Variants in CSDE1 observed in about 807,000 individuals in gnomAD.
The protein encoded by CSDE1 is cold shock domain-containing protein E1.
CSDE1 carries 17 observed loss-of-function variants against 89.3 expected under a neutral mutation model. The observed-to-expected ratio is 0.19, with a 90% CI of 0.13 to 0.29. The LOEUF (loss-of-function observed/expected upper bound fraction) is 0.29. Ranked by LOEUF, CSDE1 falls within the 10% of genes least tolerant of loss-of-function variation. The probability of loss-of-function intolerance (pLI) is 1.00; values close to 1 mark genes in which losing one functional copy is unlikely to be tolerated. For missense variants in CSDE1, 672 were observed against 984.2 expected (o/e 0.68, Z 4.24); for synonymous variants, 322 against 332.8 (o/e 0.97, Z 0.35).
intron 16 of CSDE1, among the ~76,000 whole-genome samples, chr1:114,722,667 G>A (rs1246035408): frequency 6.6e-6 from 1 of 152,220 alleles, no homozygotes; most frequent in African/African-American, 2.4e-5. Flanking sequence ...AGAATGAGTG[G>A]ACTGGGAAGT....
intron 9 of CSDE1, among the ~76,000 whole-genome samples, chr1:114,733,019 T>G (rs182502854): frequency 1.3e-5 from 2 of 152,242 alleles, no homozygotes; most frequent in East Asian, 3.9e-4. Flanking sequence ...ACAATGCAAT[T>G]AAGACCCAGC....
intron 2 of CSDE1, chr1:114,746,685 C>CT (rs1661028541): frequency 6.6e-6 from 1 of 152,196 alleles, no homozygotes; most frequent in Non-Finnish European, 1.5e-5. Context: ...AGGATAGCAT[C>CT]TGGCAGCATA....
At chr1:114,721,623 C>T (rs997710214) in intron 16 of CSDE1, among the ~76,000 whole-genome samples, 5 of 152,172 alleles carry the variant, frequency 3.3e-5, no homozygotes, top group African/African-American at 9.7e-5. Context: ...CAGGGTCTCG[C>T]TCTGCTACCC....
At chr1:114,742,227 G>A (rs572958865) in intron 2 of CSDE1, among the ~76,000 whole-genome samples, 2 of 152,220 alleles carry the variant, frequency 1.3e-5, no homozygotes, top group African/African-American at 2.4e-5. Flanking sequence ...TGCTCTTACC[G>A]TATTACCGTA....
rs1021629483 is a variant in CSDE1 at position 114,733,633 on chromosome 1, CATTAT to C, written c.837+94_837+98del. 9.3e-6 allele frequency: 10 copies of C among 1,069,740 alleles called. No homozygotes were observed. The African/African-American group carries it at 1.1e-4, about 12-fold the overall frequency. 66.3% of individuals were successfully genotyped at this position (1,069,740 alleles called of 1,614,324 possible). On this transcript the variant is annotated intron_variant, in intron 9 of 19. Transcript: ENST00000358528. Reference sequence around the variant, plus strand: ...GAGGTCCTTAGTTGTTCCACTACCACATTATATTAACTGAATAAGATAAAATCTCA... The same window carrying C: ...GAGGTCCTTAGTTGTTCCACTACCACATTAACTGAATAAGATAAAATCTCA...
At chr1:114,743,036 G>A (rs370614665) in intron 2 of CSDE1, among the ~76,000 whole-genome samples, 1 of 151,992 alleles carries the variant, frequency 6.6e-6, no homozygotes, top group Admixed American at 6.6e-5. Context: ...TACACATATC[G>A]AAAATACATG....
At chr1:114,733,700 G>C (rs369837293) in intron 9 of CSDE1, 32 bp downstream of exon 9, 1 of 1,599,860 alleles carries the variant, frequency 6.3e-7, no homozygotes, top group Non-Finnish European at 8.5e-7. Flanking sequence ...CTACTGAGGC[G>C]AAATAGGACT....
chr1:114,720,712 T>C lies in CSDE1; in HGVS notation c.1879A>G (p.Met627Val), dbSNP rs750987742. Residue 627 changes from methionine (M) to valine (V), a missense_variant, in exon 17 of 20, where the codon ATG becomes GTG. Physicochemically the swap from Met to Val is conservative, Grantham distance 21. This residue lies in a region of CSDE1 where 206 missense variants were observed against 332.4 expected (regional missense o/e 0.62). Coordinates refer to ENST00000358528, the MANE Select transcript of CSDE1 (RefSeq NM_001007553.3). ...GMIEIVEEGD[M>V]KGEVYPFGIV... ...CCAAATGGATAGACCTCACCTTTCA[T>C]ATCGCCTGTAAAACAGGTACAAAGT... 3 of 1,614,112 alleles carry C rather than the reference T, an allele frequency of 1.9e-6. No individual in the cohort carries two copies. The highest frequency in any genetic ancestry group is 2.2e-5 in the East Asian group (1 of 44,884).
Position 114,730,323 on chromosome 1 carries a change from T to C in CSDE1, c.1291A>G (p.Thr431Ala), listed in dbSNP as rs1235124042. Residue 431 changes from threonine (T) to alanine (A), a missense_variant, in exon 12 of 20, where the codon ACG becomes GCG. Transcript: ENST00000358528. ...HSHSDHRFLG[T>A]VEKEATFSNP... ...GAAAAAGTGGCTTCTTTTTCTACCG[T>C]GCCCAGAAAACGGTGATCTGAATGG... The C allele has an allele frequency of 6.2e-7, 1 of 1,614,232 alleles. No homozygotes were observed. Among genetic ancestry groups the C allele is most frequent in the Admixed American group, 1.7e-5 (1 of 60,022 alleles).
intron 12 of CSDE1, among the ~76,000 whole-genome samples, chr1:114,727,330 G>A (rs190459274): frequency 5.5e-4 from 84 of 152,138 alleles, no homozygotes; most frequent in African/African-American, 2.0e-3. Context: ...TTTTGCTATT[G>A]AGGAGAAAAA....
chr1:114,724,509 C>A (rs376095203), intron 15 of CSDE1, among the ~76,000 whole-genome samples: 4 of 152,138 alleles, frequency 2.6e-5, no homozygotes, highest in African/African-American at 7.2e-5. Context: ...ACTGCTGTAT[C>A]CCCAGTGTCT....
chr1:114,724,607 CA>C (rs1197664399), intron 15 of CSDE1, among the ~76,000 whole-genome samples: 3 of 151,572 alleles, frequency 2.0e-5, no homozygotes, highest in Non-Finnish European at 2.9e-5. Context: ...TCCTAAATTA[CA>C]ATTAATTTTT....
intron 4 of CSDE1, 93 bp downstream of exon 4, chr1:114,737,870 A>G (rs1330768088): frequency 7.9e-6 from 7 of 884,702 alleles, no homozygotes; most frequent in Non-Finnish European, 1.3e-5. Context: ...TCTTTCGTGC[A>G]AACTGAGGAG....
At chr1:114,749,742 TAA>T (rs889929411) in intron 2 of CSDE1, 77 bp downstream of exon 2, 2 of 152,556 alleles carry the variant, frequency 1.3e-5, no homozygotes, top group African/African-American at 4.8e-5. Context: ...AAAGAACAAA[TAA>T]AGATTTTATA....
Position 114,717,311 on chromosome 1 carries a change from ATTTT to A in CSDE1, c.*854_*857del, listed in dbSNP as rs61764383. 1 of 151,742 alleles carries A rather than the reference ATTTT, an allele frequency of 6.6e-6. No individual in the cohort carries two copies. Among genetic ancestry groups the A allele is most frequent in the African/African-American group, 2.4e-5 (1 of 41,208 alleles). 9.4% of individuals were successfully genotyped at this position (151,742 alleles called of 1,614,324 possible). On this transcript the variant is annotated 3_prime_UTR_variant, in exon 20 of 20. Transcript: ENST00000358528. ...GATTCATTTCAGGCACAACTTTTTTATTTTTTTTTGTTTTGTTTTTAAATCAGTA... is the reference window on the plus strand; with the variant it reads ...GATTCATTTCAGGCACAACTTTTTTATTTTTGTTTTGTTTTTAAATCAGTA...
At chr1:114,753,905 G>A (rs1162734168) in intron 1 of CSDE1, among the ~76,000 whole-genome samples, 1 of 152,156 alleles carries the variant, frequency 6.6e-6, no homozygotes, top group Admixed American at 6.5e-5. Flanking sequence ...GACAGAGTAA[G>A]ACGCTGACTC....
intron 12 of CSDE1, among the ~76,000 whole-genome samples, chr1:114,728,468 A>G (rs1351198635): frequency 6.6e-6 from 1 of 152,184 alleles, no homozygotes. Flanking sequence ...ATTAACAGGT[A>G]AATGTTATAT....
chr1:114,745,156 C>A (rs1210451625), intron 2 of CSDE1, among the ~76,000 whole-genome samples: 2 of 152,050 alleles, frequency 1.3e-5, no homozygotes, highest in Admixed American at 6.5e-5. Context: ...ATTGGTACAA[C>A]CTTTTAGAAA....
At chr1:114,734,684 T>C (rs1001206010) in intron 6 of CSDE1, among the ~76,000 whole-genome samples, 161 bp from the exon 7 acceptor site, 3 of 152,238 alleles carry the variant, frequency 2.0e-5, no homozygotes, top group African/African-American at 7.2e-5. Flanking sequence ...TATTTTCATA[T>C]GGCTTTATAT....
Sources: allele counts gnomAD v4.1 joint callset (sites outside exome capture counted in the v4.1 genomes callset), GRCh38; gene constraint gnomAD v4.1.1; regional missense constraint gnomAD v4.1.1; transcripts MANE v1.5; gene names NCBI Gene and HGNC (gene_info 2026-07-23, HGNC 2026-07-21).